TMEM219: variants seen among roughly 807,000 people sequenced by gnomAD.
TMEM219 encodes transmembrane protein 219.
TMEM219 carries 18 observed loss-of-function variants against 17.9 expected under a neutral mutation model. The observed-to-expected ratio is 1.01, with a 90% CI of 0.70 to 1.49. The LOEUF is 1.49. Among genes scored for constraint, TMEM219 ranks in the 40% most tolerant of loss-of-function variants. TMEM219 has a pLI of 0.00. For synonymous variants in TMEM219, 113 were observed against 124.0 expected, an observed-to-expected ratio of 0.91 and a Z score of 0.59; for missense variants, 288 against 292.4, an observed-to-expected ratio of 0.99 and a Z score of 0.11.
intron 3 of TMEM219, among the ~76,000 whole-genome samples, chr16:29,966,720 G>C (rs562373771): frequency 2.2e-4 from 33 of 152,134 alleles, no homozygotes; most frequent in Admixed American, 1.4e-3. Context: ...CAAGGCTGAG[G>C]CAGGAGAATT....
chr16:29,964,010 G>T (rs144131535), intron 3 of TMEM219, among the ~76,000 whole-genome samples: 1 of 151,224 alleles, frequency 6.6e-6, no homozygotes, highest in South Asian at 2.1e-4. Flanking sequence ...GTGAAACCCC[G>T]TCTCTACTAG....
intron 3 of TMEM219, 98 bp from the exon 4 acceptor site, chr16:29,967,927 A>G (rs2069234096): frequency 3.4e-6 from 1 of 292,426 alleles, no homozygotes; most frequent in Non-Finnish European, 5.7e-6. Context: ...ACTCCGCCTC[A>G]AAAAAAAAAA....
chr16:29,969,909 C>T (rs117131969), intron 4 of TMEM219, among the ~76,000 whole-genome samples: 75 of 152,122 alleles, frequency 4.9e-4, no homozygotes, highest in Middle Eastern at 3.4e-3. Context: ...TGGAGGAGGG[C>T]CATCAGTCAG....
Position 29,963,120 on chromosome 16 carries a change from G to T in TMEM219, c.-24G>T. 6.2e-7 allele frequency: 1 copy of T among 1,606,746 alleles called. No individual in the cohort carries two copies. Among genetic ancestry groups the T allele is most frequent in the East Asian group, 2.2e-5 (1 of 44,834 alleles). ...CCTGTCTTCCAGCAGGCTCTCCCCG[G>T]AGGCTCAGCCCCCTCTGCTCCCCAT... On this transcript the variant is annotated 5_prime_UTR_variant, in exon 2 of 6. Coordinates refer to ENST00000279396, the MANE Select transcript of TMEM219 (RefSeq NM_001083613.2).
intron 3 of TMEM219, among the ~76,000 whole-genome samples, chr16:29,966,148 C>A (rs2069210073): frequency 6.6e-6 from 1 of 152,208 alleles, no homozygotes; most frequent in South Asian, 2.1e-4. Flanking sequence ...GGATTACAGG[C>A]ATGAGCTACC....
chr16:29,964,571 G>A (rs2069188463), intron 3 of TMEM219, among the ~76,000 whole-genome samples: 1 of 152,118 alleles, frequency 6.6e-6, no homozygotes, highest in Non-Finnish European at 1.5e-5. Context: ...TGAGGCAGGA[G>A]AATCGCTTGA....
Position 29,963,325 on chromosome 16 carries a change from C to G in TMEM219, c.165+17C>G. 1 of 1,613,890 alleles carries G rather than the reference C, an allele frequency of 6.2e-7. No individual in the cohort carries two copies. Among genetic ancestry groups the G allele is most frequent in the Non-Finnish European group, 8.5e-7 (1 of 1,179,822 alleles). On this transcript the variant is annotated intron_variant, in intron 2 of 5. Transcript: ENST00000279396. ...ATCCCCCAGGTAAGTTCCCCACCCC[C>G]GTACCCGCTCTTCCTTCCAACCTAG...
At chr16:29,971,610 AG>A in intron 5 of TMEM219, 32 bp downstream of exon 5, 1 of 387,850 alleles carries the variant, frequency 2.6e-6, no homozygotes, top group Non-Finnish European at 4.9e-6. Flanking sequence ...CTGCGGGAGC[AG>A]GGAATGGGGT....
chr16:29,968,252 T>TC lies in TMEM219; in HGVS notation c.584dup (p.Glu196GlyfsTer42), dbSNP rs2069240189. 1 of 1,611,032 alleles carries TC rather than the reference T, an allele frequency of 6.2e-7. No individual in the cohort carries two copies. The highest frequency in any genetic ancestry group is 1.3e-5 in the African/African-American group (1 of 74,856). On this transcript the variant is annotated frameshift_variant and splice_region_variant, in exon 4 of 6. Transcript: ENST00000279396. LOFTEE classifies it high-confidence loss of function. ...CCTTGTGCTGACCAAGCTGCTCACC[T>TC]CGGTAAGAGCCTCAGATGGGTCGCC... is the stretch of plus-strand genomic sequence containing the variant.
chr16:29,969,141 A>G (rs1463716543), intron 4 of TMEM219, among the ~76,000 whole-genome samples: 1 of 151,592 alleles, frequency 6.6e-6, no homozygotes, highest in Non-Finnish European at 1.5e-5. Context: ...GCCTGAGGCC[A>G]GGAGTTCCAG....
At chr16:29,963,831 C>T (rs375874554) in intron 3 of TMEM219, among the ~76,000 whole-genome samples, 6 of 144,516 alleles carry the variant, frequency 4.2e-5, no homozygotes, top group East Asian at 4.1e-4. Flanking sequence ...TGCAGTGAAC[C>T]GAGATCGCAC....
chr16:29,962,834 G>T, intron 1 of TMEM219: 1 of 378,460 alleles, frequency 2.6e-6, no homozygotes, highest in Non-Finnish European at 5.0e-6. Flanking sequence ...AGTGCTTCCT[G>T]TTTCTCCAGC....
chr16:29,971,689 G>A, intron 5 of TMEM219, 111 bp downstream of exon 5: 2 of 1,104,564 alleles, frequency 1.8e-6, no homozygotes, highest in Non-Finnish European at 2.6e-6. Flanking sequence ...CTGCTTCTGA[G>A]TCCCCGAGAA....
chr16:29,967,771 C>CA (rs1262902229), intron 3 of TMEM219, among the ~76,000 whole-genome samples: 2 of 151,950 alleles, frequency 1.3e-5, no homozygotes, highest in Non-Finnish European at 2.9e-5. Context: ...ACTAAAAATA[C>CA]AAAAAATTAG....
At chr16:29,972,656 A>G (rs746320006) in intron 5 of TMEM219, among the ~76,000 whole-genome samples, 33 of 152,190 alleles carry the variant, frequency 2.2e-4, no homozygotes, top group Non-Finnish European at 3.7e-4. Context: ...AGGCCAGAGG[A>G]AGTGGAAGCT....
chr16:29,966,327 C>T (rs2069212099), intron 3 of TMEM219, among the ~76,000 whole-genome samples: 1 of 151,722 alleles, frequency 6.6e-6, no homozygotes, highest in African/African-American at 2.4e-5. Context: ...ATTTGTAGGT[C>T]TTTATTCTAG....
At chr16:29,968,307 G>A (rs2069241240) in intron 4 of TMEM219, 53 bp downstream of exon 4, 1 of 1,410,750 alleles carries the variant, frequency 7.1e-7, no homozygotes, top group African/African-American at 1.4e-5. Context: ...GCTGACTACT[G>A]TATCTTGAAG....
intron 3 of TMEM219, among the ~76,000 whole-genome samples, chr16:29,963,820 T>C (rs2069178672): frequency 6.9e-6 from 1 of 145,126 alleles, no homozygotes; most frequent in Admixed American, 7.1e-5. Context: ...GAGATGGAGG[T>C]TGCAGTGAAC....
rs1051558760 is a variant in TMEM219, at chr16:29,962,141, G to A, written c.-38+9G>A. ...CCGCCCGGCCCCGAGGGGTAAGAGC[G>A]AGCGGCTGGCGGATCCGACGCGCGA... On this transcript the variant is annotated intron_variant, in intron 1 of 5. Transcript: ENST00000279396. 1 of 152,068 alleles carries A rather than the reference G, an allele frequency of 6.6e-6. No individual in the cohort carries two copies. Among genetic ancestry groups the A allele is most frequent in the African/African-American group, 2.4e-5 (1 of 41,426 alleles). 9.4% of individuals were successfully genotyped at this position (152,068 alleles called of 1,614,324 possible).
Sources: gnomAD v4.1 joint callset for allele counts (sites outside exome capture counted in the v4.1 genomes callset) on GRCh38, gnomAD v4.1.1 for gene constraint, MANE v1.5 for transcripts, NCBI Gene and HGNC (gene_info 2026-07-23, HGNC 2026-07-21) for gene names.